The following DAB1 variants were observed in gnomAD, a reference collection of about 807,000 sequenced individuals.
DAB1 encodes the protein disabled homolog 1.
In DAB1, 15 loss-of-function variants were observed where a neutral mutation model predicts 64.6. That is an observed-to-expected ratio of 0.23 (90% confidence interval 0.16 to 0.36). The LOEUF is 0.36. DAB1 is among the 10% of genes least tolerant of loss of function. The pLI, the probability that DAB1 is intolerant of heterozygous loss-of-function variation, is 1.00. For synonymous variants in DAB1, 235 were observed against 251.9 expected (o/e 0.93, Z 0.64); for missense variants, 596 against 706.7 (o/e 0.84, Z 1.78).
Position 57,539,935 on chromosome 1 carries a change from C to T in DAB1, n.625+109657G>A, listed in dbSNP as rs1449477534. On this transcript the variant is annotated intron_variant and non_coding_transcript_variant, in intron 7 of 20. Coordinates refer to the DAB1 transcript ENST00000485760. ...GGGCCAGGCCTAATTAGTTTTCCAG[C>T]ATGAAGATGAATTAGTGAGGCTGTC... Among the ~76,000 whole-genome samples the T allele has an allele frequency of 2.0e-5, 3 of 152,152 alleles. No individual in the cohort carries two copies. The East Asian group carries it at 5.8e-4, about 29-fold the overall frequency.
chr1:57,908,496 C>A (rs1644591936), intron 5 of DAB1, among the ~76,000 whole-genome samples: 1 of 152,172 alleles, frequency 6.6e-6, no homozygotes, highest in Admixed American at 6.5e-5. Context: ...GGGCAGCCAG[C>A]TATCCTCTCC....
intron 1 of DAB1, among the ~76,000 whole-genome samples, chr1:57,390,939 G>T (rs1209611312): frequency 1.3e-5 from 2 of 152,138 alleles, no homozygotes; most frequent in Non-Finnish European, 2.9e-5. Flanking sequence ...TTCCATTGCT[G>T]TCCTTCTAAC....
chr1:57,759,555 C>A (rs1251028374), intron 6 of DAB1, among the ~76,000 whole-genome samples: 3 of 152,114 alleles, frequency 2.0e-5, no homozygotes, highest in African/African-American at 7.2e-5. Flanking sequence ...CTATGCAGTG[C>A]CCACATCATG....
chr1:57,209,911 G>T (rs1351795516), intron 2 of DAB1, among the ~76,000 whole-genome samples: 2 of 152,116 alleles, frequency 1.3e-5, no homozygotes, highest in Non-Finnish European at 2.9e-5. Flanking sequence ...ACAGGCAAAG[G>T]TATTTATATG....
chr1:57,205,508 A>G (rs1404876709), intron 2 of DAB1, among the ~76,000 whole-genome samples: 2 of 152,238 alleles, frequency 1.3e-5, no homozygotes, highest in African/African-American at 2.4e-5. Context: ...TTATAAAAAT[A>G]TGGGCTATGA....
chr1:58,028,065 A>G (rs964055318), intron 5 of DAB1, among the ~76,000 whole-genome samples: 1 of 152,206 alleles, frequency 6.6e-6, no homozygotes, highest in African/African-American at 2.4e-5. Context: ...TCTGTAGAAT[A>G]TAATTCCCAT....
At chr1:57,291,205 G>GTT in intron 1 of DAB1, 39 bp from the exon 2 acceptor site, 1 of 430,300 alleles carries the variant, frequency 2.3e-6, no homozygotes, top group Non-Finnish European at 4.1e-6. Flanking sequence ...AATCATCACT[G>GTT]TTATGAAGTT....
intron 4 of DAB1, among the ~76,000 whole-genome samples, chr1:57,091,551 C>T (rs1158797794): frequency 6.6e-6 from 1 of 152,108 alleles, no homozygotes; most frequent in Non-Finnish European, 1.5e-5. Context: ...GATATCAGCA[C>T]CCTTGAATGC....
At chr1:58,100,151 G>T (rs960532901) in intron 5 of DAB1, among the ~76,000 whole-genome samples, 1 of 152,088 alleles carries the variant, frequency 6.6e-6, no homozygotes, top group Non-Finnish European at 1.5e-5. Flanking sequence ...CATTAAGTGT[G>T]TTCACAATGT....
Position 57,956,460 on chromosome 1 carries a change from C to A in DAB1, n.388-72298G>T, listed in dbSNP as rs535603707. On this transcript the variant is annotated intron_variant and non_coding_transcript_variant, in intron 5 of 20. Coordinates refer to the DAB1 transcript ENST00000485760. ...AATTCAGGGAAAAAAATAGCCTGAT[C>A]TCACTCTTATTTCTTACTTTATCCA... 1.5e-3 allele frequency among the ~76,000 whole-genome samples: 227 copies of A among 152,324 alleles called. 1 individual carries two copies. Among genetic ancestry groups the A allele is most frequent in the African/African-American group, 4.7e-3 (196 of 41,580 alleles).
chr1:58,028,724 G>T (rs1646930764), intron 5 of DAB1, among the ~76,000 whole-genome samples: 1 of 152,172 alleles, frequency 6.6e-6, no homozygotes, highest in African/African-American at 2.4e-5. Context: ...TGATTTTGGG[G>T]TTACAAATAA....
At chr1:57,977,404 C>T (rs573319001) in intron 5 of DAB1, among the ~76,000 whole-genome samples, 4 of 152,278 alleles carry the variant, frequency 2.6e-5, no homozygotes, top group Non-Finnish European at 5.9e-5. Context: ...AATAGACTGA[C>T]TTCATTTGTT....
downstream of DAB1, among the ~76,000 whole-genome samples, chr1:57,821,254 C>T (rs1284641599): frequency 2.6e-5 from 4 of 152,082 alleles, no homozygotes; most frequent in Non-Finnish European, 5.9e-5. Flanking sequence ...GCAGCCAGCA[C>T]GTATGGCTGA....
intron 7 of DAB1, among the ~76,000 whole-genome samples, chr1:57,446,596 T>C (rs2781323): frequency 0.66 from 95,382 of 143,908 alleles, 31,835 homozygotes; most frequent in Admixed American, 0.74. Context: ...AAAACTCCGT[T>C]GCAAAAAAAA....
intron 4 of DAB1, among the ~76,000 whole-genome samples, chr1:58,315,507 G>C (rs572515745): frequency 2.0e-5 from 3 of 152,200 alleles, no homozygotes; most frequent in African/African-American, 7.2e-5. Flanking sequence ...CATGTGTTGG[G>C]TGCTGGGGTG....
chr1:58,071,346 C>T (rs974289803), intron 5 of DAB1, among the ~76,000 whole-genome samples: 3 of 147,850 alleles, frequency 2.0e-5, no homozygotes, highest in African/African-American at 7.5e-5. Flanking sequence ...GGAACTCTAC[C>T]TCCATCAAAG....
At chr1:58,249,581 C>G (rs537819108) in intron 4 of DAB1, among the ~76,000 whole-genome samples, 1 of 152,178 alleles carries the variant, frequency 6.6e-6, no homozygotes, top group South Asian at 2.1e-4. Context: ...CATAAGTGGA[C>G]AGAAAAGAAA....
chr1:58,167,913 T>C (rs2100760816), intron 4 of DAB1, among the ~76,000 whole-genome samples: 1 of 152,184 alleles, frequency 6.6e-6, no homozygotes, highest in Admixed American at 6.5e-5. Flanking sequence ...TTAAGAACTG[T>C]AACACTCACT....
intron 1 of DAB1, among the ~76,000 whole-genome samples, chr1:58,531,331 T>C (rs1244401660): frequency 1.3e-5 from 2 of 152,244 alleles, no homozygotes; most frequent in Non-Finnish European, 2.9e-5. Context: ...TATTCATTTA[T>C]ACAAGTTTGT....
Sources: allele counts gnomAD v4.1 joint callset (sites outside exome capture counted in the v4.1 genomes callset), GRCh38; gene constraint gnomAD v4.1.1; transcripts MANE v1.5; gene names NCBI Gene and HGNC (gene_info 2026-07-23, HGNC 2026-07-21).